The following SLC25A48 variants were observed in gnomAD, a reference collection of about 807,000 sequenced individuals.
SLC25A48 encodes CTC-321K16.1.
SLC25A48 carries 29 observed loss-of-function variants against 32.2 expected under a neutral mutation model. That is an observed-to-expected ratio of 0.90 (90% CI 0.67 to 1.23). The LOEUF is 1.23. Among genes scored for constraint, SLC25A48 ranks in the 50% most tolerant of loss-of-function variants. The probability of loss-of-function intolerance (pLI) is 0.00; values close to 1 mark genes in which losing one functional copy is unlikely to be tolerated. For synonymous variants in SLC25A48, 164 were observed against 172.3 expected (o/e 0.95, Z 0.38); for missense variants, 399 against 422.7 (o/e 0.94, Z 0.49).
chr5:135,818,073 C>T (rs1332697212), intron 4 of SLC25A48, among the ~76,000 whole-genome samples: 1 of 40,270 alleles, frequency 2.5e-5, no homozygotes, highest in Admixed American at 2.4e-4. Context: ...CTCTCTCTCT[C>T]TCTCTCTCTC....
chr5:135,883,880 C>T (rs564283667), intron 7 of SLC25A48, among the ~76,000 whole-genome samples: 4 of 152,276 alleles, frequency 2.6e-5, no homozygotes, highest in East Asian at 1.9e-4. Context: ...TTACTAGAGC[C>T]GCGTGGGGAG....
chr5:135,762,187 G>A (rs916040036), intron 3 of SLC25A48, among the ~76,000 whole-genome samples: 3 of 152,216 alleles, frequency 2.0e-5, no homozygotes, highest in East Asian at 1.9e-4. Context: ...ATGGCCGCAC[G>A]TGGCCAGTGG....
chr5:135,692,134 G>GAATGTTAGTA (rs1754158665), intron 3 of SLC25A48, among the ~76,000 whole-genome samples: 1 of 152,086 alleles, frequency 6.6e-6, no homozygotes, highest in African/African-American at 2.4e-5. Context: ...TGGCTAACAC[G>GAATGTTAGTA]GTGAAACCCC....
chr5:135,830,923 C>A (rs752083208), upstream of SLC25A48, among the ~76,000 whole-genome samples: 4 of 152,068 alleles, frequency 2.6e-5, no homozygotes, highest in Non-Finnish European at 5.9e-5. Flanking sequence ...AAGGACTGAG[C>A]GGCATGGTGA....
intron 1 of SLC25A48, among the ~76,000 whole-genome samples, chr5:135,603,434 G>A (rs4463175): frequency 0.19 from 28,257 of 152,262 alleles, 2,724 homozygotes; most frequent in East Asian, 0.3. Context: ...TGCTGGCTTT[G>A]AGGAGTGTCC....
intron 3 of SLC25A48, among the ~76,000 whole-genome samples, chr5:135,786,042 G>T (rs572094826): frequency 1.3e-3 from 194 of 151,348 alleles, no homozygotes; most frequent in Non-Finnish European, 2.2e-3. Context: ...CTCCCCGTGG[G>T]GCTGGGGGTG....
chr5:135,824,403 A>G (rs532430271), intron 4 of SLC25A48: 1 of 152,342 alleles, frequency 6.6e-6, no homozygotes, highest in East Asian at 1.9e-4. Context: ...CTTTTCTCAG[A>G]TGTGTCAGAA....
upstream of SLC25A48, among the ~76,000 whole-genome samples, chr5:135,831,573 C>T (rs978345648): frequency 5.9e-5 from 9 of 152,188 alleles, no homozygotes; most frequent in African/African-American, 2.2e-4. Flanking sequence ...GAGGTGACAG[C>T]TGAACTGAGT....
chr5:135,867,845 A>G (rs1246255698), intron 4 of SLC25A48, among the ~76,000 whole-genome samples: 1 of 152,188 alleles, frequency 6.6e-6, no homozygotes, highest in Non-Finnish European at 1.5e-5. Context: ...CCATACCACT[A>G]TTGGTAGTGC....
chr5:135,723,636 G>A (rs564245733), intron 3 of SLC25A48, among the ~76,000 whole-genome samples: 1 of 151,278 alleles, frequency 6.6e-6, no homozygotes, highest in South Asian at 2.1e-4. Flanking sequence ...CAAATCAACT[G>A]TTTTTAATCT....
At chr5:135,837,195 G>A (rs1453592777) in intron 1 of SLC25A48, among the ~76,000 whole-genome samples, 2 of 151,994 alleles carry the variant, frequency 1.3e-5, no homozygotes, top group Admixed American at 6.6e-5. Context: ...AAGCCATGGA[G>A]CCTGAGGACC....
intron 3 of SLC25A48, among the ~76,000 whole-genome samples, chr5:135,706,014 G>A (rs951648992): frequency 1.5e-4 from 23 of 152,186 alleles, no homozygotes; most frequent in African/African-American, 4.1e-4. Flanking sequence ...TCTTTGAACT[G>A]GGCTGTCTCT....
At chr5:135,886,611 ATATATATATATATATATATATAT>A (rs1561567575) in intron 7 of SLC25A48, among the ~76,000 whole-genome samples, 10,939 of 54,136 alleles carry the variant, frequency 0.2, 1,734 homozygotes, top group African/African-American at 0.35. Flanking sequence ...ATATATATAT[ATATATATATATATATATATATAT>A]ATAAAATATA....
chr5:135,643,432 AG>A (rs1752886665), intron 3 of SLC25A48, among the ~76,000 whole-genome samples: 1 of 152,190 alleles, frequency 6.6e-6, no homozygotes. Flanking sequence ...GCTGGAAGTA[AG>A]GGTGGAACAA....
intron 3 of SLC25A48, among the ~76,000 whole-genome samples, chr5:135,766,279 G>T (rs2127022725): frequency 6.6e-6 from 1 of 151,728 alleles, no homozygotes; most frequent in East Asian, 1.9e-4. Flanking sequence ...AATATCTGGG[G>T]AGTGGGTGAA....
intron 3 of SLC25A48, among the ~76,000 whole-genome samples, chr5:135,686,902 T>C (rs1340383471): frequency 6.6e-6 from 1 of 152,150 alleles, no homozygotes; most frequent in Non-Finnish European, 1.5e-5. Flanking sequence ...TTCATTTATT[T>C]CTGAAGGCTA....
intron 3 of SLC25A48, among the ~76,000 whole-genome samples, chr5:135,753,052 G>A (rs1028288882): frequency 6.6e-6 from 1 of 151,910 alleles, no homozygotes; most frequent in Non-Finnish European, 1.5e-5. Flanking sequence ...AATATCACTG[G>A]GGGTGTACGT....
At chr5:135,616,852 T>A (rs1476156303) in intron 1 of SLC25A48, among the ~76,000 whole-genome samples, 1 of 152,190 alleles carries the variant, frequency 6.6e-6, no homozygotes, top group Non-Finnish European at 1.5e-5. Flanking sequence ...GCTGTTGGAT[T>A]TGGTTTGCTA....
intron 3 of SLC25A48, among the ~76,000 whole-genome samples, chr5:135,645,133 T>C (rs1160648621): frequency 1.3e-5 from 2 of 152,196 alleles, no homozygotes; most frequent in Non-Finnish European, 2.9e-5. Context: ...TACGGGAGCG[T>C]TGATATAATT....
Sources: gnomAD v4.1 joint callset for allele counts (sites outside exome capture counted in the v4.1 genomes callset) on GRCh38, gnomAD v4.1.1 for gene constraint, MANE v1.5 for transcripts, NCBI Gene and HGNC (gene_info 2026-07-23, HGNC 2026-07-21) for gene names.